CPA6: variants seen among roughly 807,000 people sequenced by gnomAD.
CPA6 encodes the protein carboxypeptidase A6, also known as carboxypeptidase B.
Under a neutral mutation model 63.3 loss-of-function variants are expected in CPA6, and 58 were observed. The observed-to-expected ratio is 0.92, with a 90% CI of 0.74 to 1.14. The LOEUF is 1.14. CPA6 is among the 50% of genes most tolerant of loss of function. CPA6 has a pLI of 0.00. For missense variants in CPA6, 565 were observed against 526.6 expected, an observed-to-expected ratio of 1.07 and a Z score of -0.71; for synonymous variants, 185 against 179.0, an observed-to-expected ratio of 1.03 and a Z score of -0.27.
chr8:67,484,139 G>A (rs1043527792), intron 7 of CPA6, among the ~76,000 whole-genome samples: 1 of 151,538 alleles, frequency 6.6e-6, no homozygotes, highest in Non-Finnish European at 1.5e-5. Context: ...GCACGATCTC[G>A]GCTCACTGCA....
intron 2 of CPA6, among the ~76,000 whole-genome samples, chr8:67,542,801 A>G (rs1168070901): frequency 6.6e-6 from 1 of 151,660 alleles, no homozygotes; most frequent in African/African-American, 2.4e-5. Flanking sequence ...CCATATTCTC[A>G]CTCTAGGCTC....
rs137890364 is a variant in CPA6, at chr8:67,478,977, C to T, written c.838+4791G>A. 1.4e-3 allele frequency among the ~76,000 whole-genome samples: 212 copies of T among 152,236 alleles called. 1 individual carries two copies. Among genetic ancestry groups the T allele is most frequent in the African/African-American group, 4.8e-3 (199 of 41,542 alleles). On this transcript the variant is annotated intron_variant, in intron 8 of 10. Transcript: ENST00000297770. ...CAGAGTTTGCAGTAAATTGAGATCA[C>T]GTCACTGCACTCTAGCCTGGGCGAC... is the stretch of plus-strand genomic sequence containing the variant.
At chr8:67,713,099 G>GTGTGTGTGTATATATATATA (rs1328463977) in intron 1 of CPA6, among the ~76,000 whole-genome samples, 5 of 55,032 alleles carry the variant, frequency 9.1e-5, no homozygotes, top group African/African-American at 3.7e-4. Flanking sequence ...GTGTGTGTGT[G>GTGTGTGTGTATATATATATA]TATATATATA....
chr8:67,442,228 G>T (rs1035442897), intron 8 of CPA6, among the ~76,000 whole-genome samples: 19 of 152,012 alleles, frequency 1.2e-4, no homozygotes, highest in African/African-American at 4.3e-4. Flanking sequence ...TTATGCATTG[G>T]GGATCAAATA....
intron 1 of CPA6, among the ~76,000 whole-genome samples, chr8:67,682,804 T>C (rs907353079): frequency 3.3e-5 from 5 of 152,154 alleles, no homozygotes; most frequent in African/African-American, 1.2e-4. Context: ...ATTATGAGGA[T>C]TTTCTACTCT....
chr8:67,557,365 G>A (rs1186086168), intron 2 of CPA6, among the ~76,000 whole-genome samples: 1 of 152,080 alleles, frequency 6.6e-6, no homozygotes, highest in Non-Finnish European at 1.5e-5. Flanking sequence ...GTGTGTTTAT[G>A]CCTGTAAGAA....
At chr8:67,481,319 T>C (rs941038734) in intron 8 of CPA6, among the ~76,000 whole-genome samples, 1 of 152,196 alleles carries the variant, frequency 6.6e-6, no homozygotes, top group Admixed American at 6.5e-5. Context: ...CTTTGGCAAA[T>C]GAATGAAAGA....
intron 7 of CPA6, among the ~76,000 whole-genome samples, chr8:67,484,080 T>C (rs1049407988): frequency 7.2e-5 from 11 of 151,990 alleles, no homozygotes; most frequent in Admixed American, 2.6e-4. Context: ...TTCTCTTTTT[T>C]TTTTTTTGAG....
At chr8:67,526,920 C>A (rs974905681) in intron 2 of CPA6, among the ~76,000 whole-genome samples, 1 of 152,084 alleles carries the variant, frequency 6.6e-6, no homozygotes, top group African/African-American at 2.4e-5. Flanking sequence ...AACTTAGCAG[C>A]CCCCCAAGAA....
chr8:67,453,794 T>C (rs935030859), intron 8 of CPA6, among the ~76,000 whole-genome samples: 5 of 152,244 alleles, frequency 3.3e-5, no homozygotes, highest in Admixed American at 6.5e-5. Flanking sequence ...TAAAATTGTG[T>C]ATATACCCAT....
At chr8:67,703,528 C>T (rs1817069233) in intron 1 of CPA6, among the ~76,000 whole-genome samples, 2 of 152,226 alleles carry the variant, frequency 1.3e-5, no homozygotes, top group African/African-American at 2.4e-5. Flanking sequence ...AGATCGTCTG[C>T]CTTGGGGGCA....
chr8:67,469,593 G>C (rs2128958683), intron 8 of CPA6, among the ~76,000 whole-genome samples: 1 of 152,222 alleles, frequency 6.6e-6, no homozygotes, highest in Middle Eastern at 3.4e-3. Context: ...GTGACAGAGT[G>C]AGACTGTCTC....
intron 2 of CPA6, among the ~76,000 whole-genome samples, chr8:67,565,472 C>T (rs1813315533): frequency 6.6e-6 from 1 of 152,132 alleles, no homozygotes; most frequent in South Asian, 2.1e-4. Context: ...GGACCTCTCC[C>T]ACTGCTGACA....
intron 8 of CPA6, among the ~76,000 whole-genome samples, chr8:67,471,306 G>T (rs995331908): frequency 1.3e-5 from 2 of 152,180 alleles, no homozygotes; most frequent in African/African-American, 4.8e-5. Context: ...GCACTGTCTA[G>T]CATGTGTAAC....
At chr8:67,737,668 A>G (rs1039704615) in intron 1 of CPA6, among the ~76,000 whole-genome samples, 1 of 152,240 alleles carries the variant, frequency 6.6e-6, no homozygotes, top group Non-Finnish European at 1.5e-5. Flanking sequence ...CTGTAGTCCT[A>G]GACTAGCAGC....
intron 1 of CPA6, among the ~76,000 whole-genome samples, chr8:67,687,820 T>C (rs1486083446): frequency 6.6e-6 from 1 of 152,166 alleles, no homozygotes; most frequent in Non-Finnish European, 1.5e-5. Context: ...AGGATTATAG[T>C]CAATGAGACG....
intron 9 of CPA6, among the ~76,000 whole-genome samples, chr8:67,432,086 G>A (rs1349615889): frequency 6.6e-6 from 1 of 152,192 alleles, no homozygotes; most frequent in Non-Finnish European, 1.5e-5. Context: ...TGCTAAGGGT[G>A]TCTTTTGGAT....
At chr8:67,426,389 T>C (rs939892296) in intron 10 of CPA6, among the ~76,000 whole-genome samples, 1 of 152,340 alleles carries the variant, frequency 6.6e-6, no homozygotes, top group African/African-American at 2.4e-5. Flanking sequence ...TGTTTAAAAA[T>C]GTTTATATAT....
intron 2 of CPA6, among the ~76,000 whole-genome samples, chr8:67,623,958 C>T (rs1018054035): frequency 6.6e-6 from 1 of 152,028 alleles, no homozygotes; most frequent in Non-Finnish European, 1.5e-5. Context: ...GATCGCACCA[C>T]TGCACCTCAG....
Sources: gnomAD v4.1 joint callset for allele counts (sites outside exome capture counted in the v4.1 genomes callset) on GRCh38, gnomAD v4.1.1 for gene constraint, MANE v1.5 for transcripts, NCBI Gene and HGNC (gene_info 2026-07-23, HGNC 2026-07-21) for gene names.